PAXIP1: variants seen among roughly 807,000 people sequenced by gnomAD.
PAXIP1 encodes PAX interacting protein 1, also known as PAX-interacting protein 1.
A neutral mutation model predicts 140.6 loss-of-function variants in PAXIP1; 19 were observed. The ratio of observed to expected loss-of-function variants is 0.14; its 90% CI spans 0.09 to 0.20. The LOEUF (loss-of-function observed/expected upper bound fraction) is 0.20, where lower values mean the gene tolerates loss of function less well. Ranked by LOEUF, PAXIP1 falls within the 10% of genes least tolerant of loss-of-function variation. The pLI is 1.00. For missense variants in PAXIP1, 920 were observed against 1,208.6 expected, an observed-to-expected ratio of 0.76 and a Z score of 3.54; for synonymous variants, 442 against 444.6, an observed-to-expected ratio of 0.99 and a Z score of 0.07.
intron 2 of PAXIP1, among the ~76,000 whole-genome samples, chr7:154,997,975 A>T (rs772755643): frequency 6.6e-6 from 1 of 152,218 alleles, no homozygotes; most frequent in Non-Finnish European, 1.5e-5. Context: ...CAATAATTCA[A>T]ACACCCATCT....
intron 5 of PAXIP1, among the ~76,000 whole-genome samples, chr7:154,977,072 C>T (rs1224797392): frequency 6.6e-6 from 1 of 152,098 alleles, no homozygotes; most frequent in Non-Finnish European, 1.5e-5. Flanking sequence ...CAAATGATGA[C>T]AATTTGCACA....
chr7:154,957,992 A>G (rs1808601582), intron 13 of PAXIP1, among the ~76,000 whole-genome samples: 1 of 151,656 alleles, frequency 6.6e-6, no homozygotes, highest in African/African-American at 2.4e-5. Context: ...AAAAAAAAAA[A>G]AGAATGTGGA....
chr7:154,968,898 T>TCTG lies in PAXIP1; in HGVS notation c.1300_1302dup (p.Gln434dup), dbSNP rs151102688. On this transcript the variant is annotated inframe_insertion, in exon 7 of 21. Coordinates refer to ENST00000404141, the MANE Select transcript of PAXIP1 (RefSeq NM_007349.4). ...TGCTGGGGGTAAGGTTGCTGAGAGA[T>TCTG]CTGCTGCTGCTGCTGCTGCTGGAGC... The TCTG allele has an allele frequency of 5.3e-5, 61 of 1,157,136 alleles. 1 individual carries two copies. The Middle Eastern group carries it at 5.8e-4, about 11-fold the overall frequency. 71.7% of individuals were successfully genotyped at this position (1,157,136 alleles called of 1,614,324 possible).
Position 154,955,650 on chromosome 7 carries a change from TA to T in PAXIP1, c.2550-20del. 1.5e-6 allele frequency: 2 copies of T among 1,322,686 alleles called. No homozygotes were observed. Among genetic ancestry groups the T allele is most frequent in the Middle Eastern group, 1.9e-4 (1 of 5,288 alleles). 81.9% of individuals were successfully genotyped at this position (1,322,686 alleles called of 1,614,324 possible). A position where few individuals can be genotyped will look rare whatever the true frequency, so the allele number is the denominator to read the frequency against. On this transcript the variant is annotated intron_variant, in intron 14 of 20. Transcript: ENST00000404141. ...TTCAATTCTGTGGAAGAAATACACA[TA>T]AAATAGTAGTGATTTCATATTTACT...
At chr7:154,958,404 T>C (rs962219535) in intron 13 of PAXIP1, among the ~76,000 whole-genome samples, 3 of 152,246 alleles carry the variant, frequency 2.0e-5, no homozygotes, top group Admixed American at 1.3e-4. Flanking sequence ...CTCAATCTTA[T>C]TAATTTACTT....
At position 154,963,823 on chromosome 7, in the gene PAXIP1, C is replaced by G; in HGVS notation, c.1894-57G>C. 2.5e-6 allele frequency: 3 copies of G among 1,183,720 alleles called. No homozygotes were observed. The highest frequency in any genetic ancestry group is 1.2e-6 in the Non-Finnish European group (1 of 801,902). The allele number at this position is 1,183,720 out of a possible 1,614,324, so 73.3% of individuals were successfully genotyped here. On this transcript the variant is annotated intron_variant, in intron 8 of 20. Transcript: ENST00000404141. The surrounding 1 kb of genome is among the most constrained non-coding windows in gnomAD (Gnocchi z 4.1). ...CAATCACTCAGAATAGAGGAGAATT[C>G]CAATTTCAAATAAGGCAGCTATTAA...
chr7:154,999,460 T>C (rs1299892836), intron 1 of PAXIP1, among the ~76,000 whole-genome samples: 1 of 152,160 alleles, frequency 6.6e-6, no homozygotes, highest in South Asian at 2.1e-4. Flanking sequence ...CTGTGTTTGG[T>C]TGGCTAGATG....
chr7:155,001,371 AAAAC>A (rs1240080950), intron 1 of PAXIP1: 9 of 152,224 alleles, frequency 5.9e-5, no homozygotes, highest in Non-Finnish European at 1.0e-4. Flanking sequence ...CAAAAACAAA[AAAAC>A]AAACAAAAAA....
intron 14 of PAXIP1, among the ~76,000 whole-genome samples, 170 bp from the exon 15 acceptor site, chr7:154,955,801 T>C (rs1808481364): frequency 6.6e-6 from 1 of 152,216 alleles, no homozygotes; most frequent in African/African-American, 2.4e-5. Flanking sequence ...TTTCCACCAT[T>C]TCCATAAAGT....
intron 8 of PAXIP1, chr7:154,965,752 C>T (rs1243988190): frequency 6.6e-6 from 1 of 152,002 alleles, no homozygotes; most frequent in African/African-American, 2.4e-5. Flanking sequence ...CGTTAATTGC[C>T]TGTTTATCAG....
chr7:154,994,688 A>C (rs1169442715), intron 2 of PAXIP1, among the ~76,000 whole-genome samples: 2 of 152,196 alleles, frequency 1.3e-5, no homozygotes, highest in African/African-American at 4.8e-5. Flanking sequence ...ATCATTTTTT[A>C]GATGACATCT....
chr7:154,995,910 C>T (rs1212536658), intron 2 of PAXIP1, among the ~76,000 whole-genome samples: 1 of 152,174 alleles, frequency 6.6e-6, no homozygotes, highest in Non-Finnish European at 1.5e-5. Context: ...CCAAAGGCCA[C>T]TGAGAAAAAT....
chr7:154,978,882 G>C (rs888815691), intron 5 of PAXIP1, among the ~76,000 whole-genome samples: 21 of 152,262 alleles, frequency 1.4e-4, no homozygotes, highest in African/African-American at 4.8e-4. Context: ...CACTTAAAAG[G>C]CTGGGATCCA....
Position 154,961,606 on chromosome 7 carries a change from G to A in PAXIP1, c.2170C>T (p.Leu724=), listed in dbSNP as rs772689301. 20 of 1,603,444 alleles carry A rather than the reference G, an allele frequency of 1.2e-5. No individual in the cohort carries two copies. In the South Asian group the frequency reaches 1.7e-4, roughly 13 times the overall value. ...CCTGCCAAATAAGCCATTAATTTTA[G>A]GTCATCTCTGTCACTATCAACAAAT... The part of the protein sequence containing the change: ...TGFVDSDRDD[L]KLMAYLAGAK... Residue 724 remains leucine (L), a synonymous_variant, in exon 11 of 21, where the codon CTA becomes TTA. Transcript: ENST00000404141.
Position 154,991,062 on chromosome 7 carries a change from C to T in PAXIP1, c.268G>A (p.Gly90Ser). The change falls in exon 4 of 21, where the codon GGT becomes AGT. Residue 90 changes from glycine to serine, a missense_variant. Gly to Ser is a moderately conservative substitution (Grantham distance 56). Transcript: ENST00000404141. ...ATCTGACATGATTCTGGAGAAAAAC[C>T]ATTTACTCTGTTTTATAGTTATTAA... ...VQCGTLLPVN[G>S]FSPESCQIFF... 1 of 1,517,040 alleles carries T rather than the reference C, an allele frequency of 6.6e-7. No homozygotes were observed. The highest frequency in any genetic ancestry group is 8.9e-7 in the Non-Finnish European group (1 of 1,118,870). The allele number at this position is 1,517,040 out of a possible 1,614,324, so 94.0% of individuals were successfully genotyped here. A position where few individuals can be genotyped will look rare whatever the true frequency, so the allele number is the denominator to read the frequency against.
In PAXIP1 at chr7:154,976,106, T is replaced by C; in HGVS notation, c.664A>G (p.Ser222Gly). Reference sequence around the variant, plus strand: ...CCTGAAGGAGACCCTTCTTGAGAGCTGGCAGGGCTTGACTTCTCATCTGTA... The same window carrying C: ...CCTGAAGGAGACCCTTCTTGAGAGCCGGCAGGGCTTGACTTCTCATCTGTA... ...GSTDEKSSPA[S>G]SQEGSPSGDQ... is the part of the protein sequence containing the mutation. The change falls in exon 6 of 21, where the codon AGC (serine) becomes GGC (glycine). Residue 222 changes from serine to glycine, a missense_variant. Ser to Gly is a moderately conservative substitution (Grantham distance 56). This residue lies in a region of PAXIP1 where 419 missense variants were observed against 514.7 expected (regional missense o/e 0.81). Transcript: ENST00000404141. The C allele has an allele frequency of 6.4e-7, 1 of 1,571,358 alleles. No homozygotes were observed. The highest frequency in any genetic ancestry group is 8.6e-7 in the Non-Finnish European group (1 of 1,156,688).
intron 5 of PAXIP1, among the ~76,000 whole-genome samples, chr7:154,976,926 G>A (rs1809609004): frequency 6.6e-6 from 1 of 152,228 alleles, no homozygotes; most frequent in Non-Finnish European, 1.5e-5. Flanking sequence ...GTTCTAAAGA[G>A]ATATTAAATA....
rs561913059 is a variant in PAXIP1 at position 155,002,565 on chromosome 7, C to T, written c.81+284G>A. 1.9e-3 allele frequency among the ~76,000 whole-genome samples: 281 copies of T among 150,400 alleles called. 2 individuals carry two copies. The highest frequency in any genetic ancestry group is 6.5e-3 in the African/African-American group (267 of 41,150). ...CAGAGAACGAGGCGGCCCGGTGGGT[C>T]GGGGGCGGCGACCCCAGGGCCGCAG... On this transcript the variant is annotated intron_variant, in intron 1 of 20. Transcript: ENST00000404141.
rs1260174280 is a variant in PAXIP1 at position 154,980,375 on chromosome 7, A to G, written c.438+2844T>C. Among the ~76,000 whole-genome samples, 3 of 146,924 alleles carry G rather than the reference A, an allele frequency of 2.0e-5. No homozygotes were observed. The East Asian group carries it at 5.9e-4, about 29-fold the overall frequency. On this transcript the variant is annotated intron_variant, in intron 5 of 20. Coordinates refer to ENST00000404141, the MANE Select transcript of PAXIP1 (RefSeq NM_007349.4). ...TCGCAGCCGCTATATTGATGACTGTAATATATAAAAATATATGCTTATATA... is the reference window on the plus strand; with the variant it reads ...TCGCAGCCGCTATATTGATGACTGTGATATATAAAAATATATGCTTATATA...
Sources: allele counts gnomAD v4.1 joint callset (sites outside exome capture counted in the v4.1 genomes callset), GRCh38; gene constraint gnomAD v4.1.1; regional missense constraint gnomAD v4.1.1; non-coding constraint Gnocchi (gnomAD v3.1); transcripts MANE v1.5; gene names NCBI Gene and HGNC (gene_info 2026-07-23, HGNC 2026-07-21).